Variants in TAF2 observed in about 807,000 individuals in gnomAD.
TAF2 encodes transcription initiation factor TFIID subunit 2.
A neutral mutation model predicts 138.5 loss-of-function variants in TAF2; 61 were observed. The ratio of observed to expected loss-of-function variants is 0.44; its 90% CI spans 0.36 to 0.54. The LOEUF (loss-of-function observed/expected upper bound fraction) is 0.54. Among genes scored for constraint, TAF2 ranks in the 20% least tolerant of loss-of-function variants. TAF2 has a pLI of 0.00. For synonymous variants in TAF2, 475 were observed against 469.9 expected (o/e 1.01, Z -0.14); for missense variants, 1,090 against 1,427.9 (o/e 0.76, Z 3.81).
chr8:119,749,752 A>T (rs1586314058), intron 22 of TAF2, among the ~76,000 whole-genome samples: 1 of 152,090 alleles, frequency 6.6e-6, no homozygotes, highest in African/African-American at 2.4e-5. Flanking sequence ...ACAGCCTCTG[A>T]TTTCTGCCTT....
At chr8:119,797,353 A>G (rs561143005) in intron 7 of TAF2, among the ~76,000 whole-genome samples, 1 of 152,248 alleles carries the variant, frequency 6.6e-6, no homozygotes, top group South Asian at 2.1e-4. Flanking sequence ...AGTGCTAGAA[A>G]AAAATTCATA....
At chr8:119,821,855 A>T (rs945423090) in intron 2 of TAF2, among the ~76,000 whole-genome samples, 15 of 152,088 alleles carry the variant, frequency 9.9e-5, no homozygotes, top group African/African-American at 3.6e-4. Context: ...TGGTCAACAT[A>T]GCAAGACCCT....
At chr8:119,827,871 G>C (rs745467555) in intron 2 of TAF2, among the ~76,000 whole-genome samples, 2 of 151,832 alleles carry the variant, frequency 1.3e-5, no homozygotes, top group Non-Finnish European at 2.9e-5. Context: ...AGCCTCCCAA[G>C]TAGCTGGGAT....
chr8:119,824,133 T>C (rs1825953100), intron 2 of TAF2, among the ~76,000 whole-genome samples: 1 of 151,934 alleles, frequency 6.6e-6, no homozygotes. Flanking sequence ...CCGACAATGA[T>C]AGAAAAGAAA....
chr8:119,766,487 A>T (rs749761713), intron 18 of TAF2, among the ~76,000 whole-genome samples: 2 of 152,210 alleles, frequency 1.3e-5, no homozygotes, highest in Non-Finnish European at 2.9e-5. Context: ...TGGATAGTCT[A>T]TGGAAGTTCT....
chr8:119,797,593 G>A (rs529959117), intron 7 of TAF2, 69 bp downstream of exon 7: 24 of 1,486,962 alleles, frequency 1.6e-5, no homozygotes, highest in Admixed American at 1.4e-4. Flanking sequence ...AAAATTGACC[G>A]CAAAATCAGT....
chr8:119,804,445 T>C (rs1824478522), intron 4 of TAF2, among the ~76,000 whole-genome samples: 1 of 152,170 alleles, frequency 6.6e-6, no homozygotes, highest in East Asian at 1.9e-4. Context: ...CCATGTGGTA[T>C]GGGAGGGACC....
In TAF2 at chr8:119,797,861, C is replaced by T; in HGVS notation, c.793-15G>A. 1 of 1,612,272 alleles carries T rather than the reference C, an allele frequency of 6.2e-7. No individual in the cohort carries two copies. Among genetic ancestry groups the T allele is most frequent in the South Asian group, 1.1e-5 (1 of 90,962 alleles). On this transcript the variant is annotated splice_polypyrimidine_tract_variant and intron_variant, in intron 6 of 25. Coordinates refer to ENST00000378164, the MANE Select transcript of TAF2 (RefSeq NM_003184.4). ...AAATGAGTAACCTGAAAAGAAGAAG[C>T]AAGGAAGATCATCTAAATGAAAGAG...
chr8:119,775,958 G>A (rs572190871), intron 18 of TAF2, among the ~76,000 whole-genome samples: 1 of 152,162 alleles, frequency 6.6e-6, no homozygotes, highest in East Asian at 1.9e-4. Flanking sequence ...TTCTAATTTA[G>A]TATTAAATTA....
At chr8:119,831,241 T>A (rs10109941) in intron 2 of TAF2, among the ~76,000 whole-genome samples, 5,082 of 152,234 alleles carry the variant, frequency 0.033, 160 homozygotes, top group South Asian at 0.11. Context: ...AAATACTCTA[T>A]CTAAAACTTC....
At chr8:119,753,233 T>C (rs1205396896) in intron 22 of TAF2, among the ~76,000 whole-genome samples, 2 of 152,212 alleles carry the variant, frequency 1.3e-5, no homozygotes, top group Non-Finnish European at 2.9e-5. Flanking sequence ...CAGTTTATTT[T>C]TCTTCTCAAG....
chr8:119,783,675 C>T lies in TAF2; in HGVS notation c.1860-42G>A, dbSNP rs1376533872. On this transcript the variant is annotated intron_variant, in intron 15 of 25. Transcript: ENST00000378164. ...TTTTCTTTTTAATTTAATTTTTAAA[C>T]TTATCATCTATATATTTAGAAAATA... 10 of 1,565,330 alleles carry T rather than the reference C, an allele frequency of 6.4e-6. No homozygotes were observed. The East Asian group carries it at 1.7e-4, about 27-fold the overall frequency.
intron 17 of TAF2, 142 bp from the exon 18 acceptor site, chr8:119,778,271 C>T: frequency 1.7e-6 from 1 of 579,212 alleles, no homozygotes; most frequent in Non-Finnish European, 3.1e-6. Context: ...CACCCCAACC[C>T]CTCCCACTGA....
chr8:119,788,532 A>C (rs1823191962), intron 13 of TAF2, 85 bp from the exon 14 acceptor site: 4 of 1,177,732 alleles, frequency 3.4e-6, no homozygotes, highest in East Asian at 2.4e-5. Flanking sequence ...AATATAAATC[A>C]AGATATAAAA....
intron 7 of TAF2, among the ~76,000 whole-genome samples, chr8:119,797,351 A>G (rs764481633): frequency 2.0e-5 from 3 of 152,082 alleles, no homozygotes; most frequent in Non-Finnish European, 4.4e-5. Context: ...ATAGTGCTAG[A>G]AAAAAATTCA....
At chr8:119,800,596 AC>A (rs1295489750) in intron 6 of TAF2, among the ~76,000 whole-genome samples, 3 of 152,216 alleles carry the variant, frequency 2.0e-5, no homozygotes, top group Non-Finnish European at 4.4e-5. Context: ...CTGATCATTT[AC>A]CAAAGACAAT....
chr8:119,799,861 G>C (rs1201442544), intron 6 of TAF2, among the ~76,000 whole-genome samples: 1 of 152,130 alleles, frequency 6.6e-6, no homozygotes, highest in South Asian at 2.1e-4. Flanking sequence ...GTGTGAGATG[G>C]TATCTCATTG....
rs1466205568 is a variant in TAF2 at position 119,730,909 on chromosome 8, C to G, written c.*1015G>C. ...AAATTGAACAGATATAAAAAATATT[C>G]TTAAACAAATATTAAAGCACATGGA... On this transcript the variant is annotated 3_prime_UTR_variant, in exon 26 of 26. Coordinates refer to ENST00000378164, the MANE Select transcript of TAF2 (RefSeq NM_003184.4). 1.3e-5 allele frequency: 2 copies of G among 152,106 alleles called. No individual in the cohort carries two copies. Among genetic ancestry groups the G allele is most frequent in the African/African-American group, 4.8e-5 (2 of 41,420 alleles). The allele number at this position is 152,106 out of a possible 1,614,324, so 9.4% of individuals were successfully genotyped here.
chr8:119,760,764 C>T (rs961702949), intron 19 of TAF2, 26 bp from the exon 20 acceptor site: 2 of 1,613,282 alleles, frequency 1.2e-6, no homozygotes, highest in African/African-American at 2.7e-5. Flanking sequence ...CGTATGTTAA[C>T]TACTTTCACT....
Sources: allele counts gnomAD v4.1 joint callset (sites outside exome capture counted in the v4.1 genomes callset), GRCh38; gene constraint gnomAD v4.1.1; transcripts MANE v1.5; gene names NCBI Gene and HGNC (gene_info 2026-07-23, HGNC 2026-07-21).